Variants in ZNF814 observed in about 807,000 individuals in gnomAD.
ZNF814 encodes zinc finger protein 814.
ZNF814 carries 5 observed loss-of-function variants against 7.5 expected under a neutral mutation model. That is an observed-to-expected ratio of 0.67 (90% CI 0.35 to 1.40). The LOEUF (loss-of-function observed/expected upper bound fraction) is 1.40. Among genes scored for constraint, ZNF814 ranks in the 40% most tolerant of loss-of-function variants. The probability of loss-of-function intolerance (pLI) is 0.04; values close to 1 mark genes in which losing one functional copy is unlikely to be tolerated. For synonymous variants in ZNF814, 315 were observed against 340.7 expected (o/e 0.92, Z 0.83); for missense variants, 962 against 1,018.0 (o/e 0.94, Z 0.75).
chr19:57,888,239 G>C (rs1047064519), intron 1 of ZNF814, among the ~76,000 whole-genome samples: 1 of 152,170 alleles, frequency 6.6e-6, no homozygotes, highest in Non-Finnish European at 1.5e-5. Flanking sequence ...AGTGTCTTCA[G>C]CCTCTGTGCC....
At chr19:57,880,187 C>A (rs968997570) in intron 1 of ZNF814, among the ~76,000 whole-genome samples, 4 of 130,624 alleles carry the variant, frequency 3.1e-5, no homozygotes, top group African/African-American at 1.2e-4. Context: ...AATCTAGCTG[C>A]TCCTTTACCA....
At chr19:57,894,653 C>T in the ZNF814 span, among the ~76,000 whole-genome samples, 3,222 of 151,642 alleles carry the variant, frequency 0.021, 115 homozygotes, top group African/African-American at 0.072. Flanking sequence ...CACGGTGAAA[C>T]CCCGTCTCTA....
At chr19:57,878,915 A>G (rs1320475691) in intron 1 of ZNF814, among the ~76,000 whole-genome samples, 1 of 152,106 alleles carries the variant, frequency 6.6e-6, no homozygotes, top group African/African-American at 2.4e-5. Flanking sequence ...ACATGCACAC[A>G]CACACACGCA....
chr19:57,896,119 A>G, the ZNF814 span, among the ~76,000 whole-genome samples: 1 of 152,096 alleles, frequency 6.6e-6, no homozygotes, highest in Admixed American at 6.6e-5. This position sits in a 1 kb window ranked among gnomAD's most constrained non-coding sequence, Gnocchi z 4.2. Flanking sequence ...CGCACCTGAA[A>G]AAAGGGGCAC....
the ZNF814 span, among the ~76,000 whole-genome samples, chr19:57,904,485 C>A: frequency 2.0e-5 from 3 of 152,314 alleles, no homozygotes; most frequent in East Asian, 5.8e-4. Flanking sequence ...CCACCGGTCC[C>A]ATGCCACCCT....
chr19:57,889,109 C>A (rs981412213), upstream of ZNF814: 20 of 453,810 alleles, frequency 4.4e-5, no homozygotes, highest in Non-Finnish European at 6.6e-5. Flanking sequence ...TTATTCTGAG[C>A]CCTCAGAGGT....
intron 1 of ZNF814, among the ~76,000 whole-genome samples, chr19:57,877,357 T>C (rs555664912): frequency 6.6e-6 from 1 of 152,302 alleles, no homozygotes; most frequent in East Asian, 1.9e-4. Context: ...TTCTTTAGAC[T>C]TCCAGGTACA....
In ZNF814 at chr19:57,883,672, A is replaced by G. The variant is rs530150209; in HGVS notation, c.36+5095T>C. Among the ~76,000 whole-genome samples the G allele has an allele frequency of 2.0e-5, 3 of 152,104 alleles. No homozygotes were observed. In the East Asian group the frequency reaches 5.8e-4, roughly 29 times the overall value. On this transcript the variant is annotated intron_variant, in intron 1 of 2. Coordinates refer to ENST00000435989, the MANE Select transcript of ZNF814 (RefSeq NM_001144989.2). ...AGAGACCCTGTCTCAAAAAAAAAAA[A>G]AAAATCAAAATGGATTAAAAAAGAC...
intron 1 of ZNF814, among the ~76,000 whole-genome samples, chr19:57,877,806 C>T (rs1173422114): frequency 2.0e-5 from 3 of 152,086 alleles, no homozygotes; most frequent in South Asian, 2.1e-4. Context: ...ACCCCTAGGG[C>T]TATAATGTTG....
chr19:57,895,481 G>A, the ZNF814 span, among the ~76,000 whole-genome samples: 6 of 151,816 alleles, frequency 4.0e-5, no homozygotes, highest in Admixed American at 3.9e-4. Flanking sequence ...TCACCATGTT[G>A]GCCAGGCTGG....
In ZNF814 at chr19:57,873,888, A is replaced by T; in HGVS notation, c.1502T>A (p.Phe501Tyr). ...PYQCGECGKS[F>Y]SQKGNLVLHQ... Reference sequence around the variant, plus strand: ...TAGAACGAGGTTGCCCTTTTGACTGAAAGATTTCCCACATTCTCCACACTG... The same window carrying T: ...TAGAACGAGGTTGCCCTTTTGACTGTAAGATTTCCCACATTCTCCACACTG... Residue 501 changes from phenylalanine to tyrosine, a missense_variant, in exon 3 of 3, where the codon TTC becomes TAC. Around this residue, in one of 7 missense-constraint regions of ZNF814, gnomAD observed 665 missense variants for 551.4 expected, o/e 1.21. Transcript: ENST00000435989. The T allele has an allele frequency of 6.3e-7, 1 of 1,596,508 alleles. No individual in the cohort carries two copies. Among genetic ancestry groups the T allele is most frequent in the East Asian group, 2.3e-5 (1 of 44,226 alleles).
chr19:57,869,911 C>T lies in ZNF814; in HGVS notation c.*2911G>A, dbSNP rs1030132672. ...AATGAGCCAAGGTCATGCCACTGCA[C>T]TCCAGCCTGGCTGACAGTGAGACTC... On this transcript the variant is annotated 3_prime_UTR_variant, in exon 3 of 3. Coordinates refer to ENST00000435989, the MANE Select transcript of ZNF814 (RefSeq NM_001144989.2). The T allele has an allele frequency of 6.9e-6, 1 of 145,926 alleles. No homozygotes were observed. The highest frequency in any genetic ancestry group is 1.5e-5 in the Non-Finnish European group (1 of 67,616). 9.0% of individuals were successfully genotyped at this position (145,926 alleles called of 1,614,324 possible). A position where few individuals can be genotyped will look rare whatever the true frequency, so the allele number is the denominator to read the frequency against.
In ZNF814 at chr19:57,873,893, T is replaced by C. The variant is rs773724640; in HGVS notation, c.1497A>G (p.Lys499=). The C allele has an allele frequency of 5.6e-6, 9 of 1,600,838 alleles. No homozygotes were observed. The African/African-American group carries it at 1.1e-4, about 20-fold the overall frequency. ...CGAGGTTGCCCTTTTGACTGAAAGATTTCCCACATTCTCCACACTGATAAG... is the reference window on the plus strand; with the variant it reads ...CGAGGTTGCCCTTTTGACTGAAAGACTTCCCACATTCTCCACACTGATAAG... The part of the protein sequence containing the change: ...ERPYQCGECG[K]SFSQKGNLVL... The change falls in exon 3 of 3, where the codon AAA becomes AAG. Residue 499 remains lysine, a synonymous_variant. Transcript: ENST00000435989.
At chr19:57,901,898 C>A in the ZNF814 span, among the ~76,000 whole-genome samples, 3 of 152,074 alleles carry the variant, frequency 2.0e-5, no homozygotes, top group African/African-American at 7.2e-5. Flanking sequence ...TTGAGGTGTA[C>A]AACAATGACA....
upstream of ZNF814, among the ~76,000 whole-genome samples, chr19:57,892,184 G>A (rs577656587): frequency 4.6e-5 from 7 of 152,300 alleles, no homozygotes; most frequent in South Asian, 1.4e-3. Flanking sequence ...ACAGGCCATG[G>A]TCACTCATAT....
chr19:57,875,960 T>C (rs888808308), intron 2 of ZNF814, among the ~76,000 whole-genome samples: 1 of 117,746 alleles, frequency 8.5e-6, no homozygotes. Flanking sequence ...TTTTTTTTTT[T>C]TTTTTTTTTT....
chr19:57,891,415 C>G (rs2071733515), upstream of ZNF814, among the ~76,000 whole-genome samples: 1 of 151,182 alleles, frequency 6.6e-6, no homozygotes, highest in African/African-American at 2.4e-5. Flanking sequence ...GTCCCAGCTA[C>G]TTGGGAGGCT....
In ZNF814 at chr19:57,889,010, T is replaced by C; in HGVS notation, c.-208A>G. 1.7e-6 allele frequency: 1 copy of C among 578,648 alleles called. No homozygotes were observed. Among genetic ancestry groups the C allele is most frequent in the Non-Finnish European group, 3.1e-6 (1 of 326,690 alleles). 35.8% of individuals were successfully genotyped at this position (578,648 alleles called of 1,614,324 possible). On this transcript the variant is annotated 5_prime_UTR_variant, in exon 1 of 3. Transcript: ENST00000435989. ...GGACCTAGCGCTCAGGAGCCTCTCC[T>C]ACAAATAAATCCAACACCAATCAAA...
Position 57,874,699 on chromosome 19 carries a change from G to T in ZNF814, c.691C>A (p.Gln231Lys). ...KHFSTKHILS[Q>K]HQRLLTREEC... The stretch of plus-strand genomic sequence containing the variant: ...TCTCTAGTGAGCAGTCTCTGGTGCT[G>T]ACTGAGTATATGTTTGGTGCTAAAA... The change falls in exon 3 of 3, where the codon CAG becomes AAG. Residue 231 changes from glutamine (Q) to lysine (K), a missense_variant. Gln to Lys is a moderately conservative substitution (Grantham distance 53). This residue lies in a region of ZNF814 where 126 missense variants were observed against 123.5 expected (regional missense o/e 1.02). Coordinates refer to ENST00000435989, the MANE Select transcript of ZNF814 (RefSeq NM_001144989.2). 6.3e-7 allele frequency: 1 copy of T among 1,577,518 alleles called. No individual in the cohort carries two copies. Among genetic ancestry groups the T allele is most frequent in the Non-Finnish European group, 8.6e-7 (1 of 1,160,400 alleles).
Sources: gnomAD v4.1 joint callset for allele counts (sites outside exome capture counted in the v4.1 genomes callset) on GRCh38, gnomAD v4.1.1 for gene constraint, gnomAD v4.1.1 regional missense constraint, Gnocchi (gnomAD v3.1) non-coding constraint, MANE v1.5 for transcripts, NCBI Gene and HGNC (gene_info 2026-07-23, HGNC 2026-07-21) for gene names.